RPS25: variants seen among roughly 807,000 people sequenced by gnomAD.
The protein encoded by RPS25 is ribosomal protein S25, also known as small ribosomal subunit protein eS25.
Under a neutral mutation model 14.4 loss-of-function variants are expected in RPS25, and 1 was observed. That is an observed-to-expected ratio of 0.07 (90% confidence interval 0.02 to 0.33). The LOEUF is 0.33. Among genes scored for constraint, RPS25 ranks in the 10% least tolerant of loss-of-function variants. The pLI is 1.00. For missense variants in RPS25, 65 were observed against 144.6 expected, an observed-to-expected ratio of 0.45 and a Z score of 2.82; for synonymous variants, 63 against 53.8, an observed-to-expected ratio of 1.17 and a Z score of -0.75.
intron 3 of RPS25, among the ~76,000 whole-genome samples, chr11:119,016,977 A>G (rs575527210): frequency 5.3e-5 from 8 of 152,276 alleles, no homozygotes; most frequent in African/African-American, 1.9e-4. Context: ...AGTAGACCGT[A>G]CTAAATTTCT....
chr11:119,017,816 CGAGT>C, intron 2 of RPS25, 138 bp downstream of exon 2: 3 of 726,874 alleles, frequency 4.1e-6, no homozygotes, highest in Non-Finnish European at 7.1e-6. Context: ...GGAAAAAGAA[CGAGT>C]GGTGACGGGA....
chr11:119,016,625 T>C (rs1303269093), intron 3 of RPS25, among the ~76,000 whole-genome samples: 2 of 147,984 alleles, frequency 1.4e-5, no homozygotes, highest in Non-Finnish European at 3.0e-5. Flanking sequence ...TAGGGCTCCA[T>C]TATCTTCCAC....
rs1592091610 is a variant in RPS25, at chr11:119,017,946, T to C, written c.99+12A>G. ...TTACCCCTAGTCTCTTTCAGAGAGGTCTTATTTCTACCTTCTTTTTGGCCT... is the reference window on the plus strand; with the variant it reads ...TTACCCCTAGTCTCTTTCAGAGAGGCCTTATTTCTACCTTCTTTTTGGCCT... On this transcript the variant is annotated intron_variant, in intron 2 of 4. Coordinates refer to ENST00000527673, the MANE Select transcript of RPS25 (RefSeq NM_001028.3). 6.2e-7 allele frequency: 1 copy of C among 1,601,626 alleles called. No homozygotes were observed. Among genetic ancestry groups the C allele is most frequent in the Non-Finnish European group, 8.5e-7 (1 of 1,169,748 alleles).
At position 119,015,752 on chromosome 11, in the gene RPS25, G is replaced by T; in HGVS notation, c.*11C>A. On this transcript the variant is annotated 3_prime_UTR_variant, in exon 5 of 5. Transcript: ENST00000527673. ...TTTTATTTTTCCAAATGTACAGCTG[G>T]TTGGACCTGTAAAAAAAAATTAAAA... is the stretch of plus-strand genomic sequence containing the variant. The T allele has an allele frequency of 8.0e-7, 1 of 1,248,630 alleles. No individual in the cohort carries two copies. The allele number at this position is 1,248,630 out of a possible 1,614,324, so 77.3% of individuals were successfully genotyped here.
At position 119,017,967 on chromosome 11, in the gene RPS25, G is replaced by C; in HGVS notation, c.90C>G (p.Ala30=). ...GAGGTCTTATTTCTACCTTCTTTTT[G>C]GCCTTGCCCCCGGATTTGTTCACTG... ...KDPVNKSGGK[A]KKKKWSKGKV... The change falls in exon 2 of 5, where the codon GCC becomes GCG. Residue 30 remains alanine, a synonymous_variant. Transcript: ENST00000527673. 6.2e-7 allele frequency: 1 copy of C among 1,611,718 alleles called. No individual in the cohort carries two copies. Among genetic ancestry groups the C allele is most frequent in the Non-Finnish European group, 8.5e-7 (1 of 1,179,280 alleles).
rs1211376826 is a variant in RPS25, at chr11:119,018,298, G to A, written c.-14C>T. The A allele has an allele frequency of 6.8e-6, 11 of 1,614,044 alleles. No individual in the cohort carries two copies. Among genetic ancestry groups the A allele is most frequent in the African/African-American group, 2.7e-5 (2 of 74,934 alleles). On this transcript the variant is annotated 5_prime_UTR_variant, in exon 1 of 5. Transcript: ENST00000527673. Reference sequence around the variant, plus strand: ...GAAGCTTACCATTGCGAAGCTCGGAGAATAGCAGCAGACACCGCAGCCTCG... The same window carrying A: ...GAAGCTTACCATTGCGAAGCTCGGAAAATAGCAGCAGACACCGCAGCCTCG...
In RPS25 at chr11:119,015,954, T is replaced by C. The variant is rs782212077; in HGVS notation, c.284-15A>G. The C allele has an allele frequency of 1.4e-6, 2 of 1,478,102 alleles. No homozygotes were observed. The highest frequency in any genetic ancestry group is 1.1e-5 in the South Asian group (1 of 88,322). 91.6% of individuals were successfully genotyped at this position (1,478,102 alleles called of 1,614,324 possible). A position where few individuals can be genotyped will look rare whatever the true frequency, so the allele number is the denominator to read the frequency against. ...TTTGATAAGTCCTAGGGGGAGAGAA[T>C]AGCACGATGAGATGCTTAACAGATG... On this transcript the variant is annotated splice_polypyrimidine_tract_variant and intron_variant, in intron 3 of 4. Transcript: ENST00000527673.
At chr11:119,018,197 G>A in intron 1 of RPS25, 85 bp downstream of exon 1, 1 of 1,604,574 alleles carries the variant, frequency 6.2e-7, no homozygotes, top group Non-Finnish European at 8.5e-7. Context: ...GAGGCCGGCA[G>A]GCCAAGGAGC....
chr11:119,015,774 A>G lies in RPS25; in HGVS notation c.*5-16T>C. ...CTGGTTGGACCTGTAAAAAAAAATT[A>G]AAAGAATCAGAACCATAAAGCTTTG... On this transcript the variant is annotated splice_polypyrimidine_tract_variant and intron_variant, in intron 4 of 4. Coordinates refer to ENST00000527673, the MANE Select transcript of RPS25 (RefSeq NM_001028.3). The G allele has an allele frequency of 2.3e-6, 3 of 1,329,834 alleles. No individual in the cohort carries two copies. Among genetic ancestry groups the G allele is most frequent in the Non-Finnish European group, 3.2e-6 (3 of 938,506 alleles). The allele number at this position is 1,329,834 out of a possible 1,614,324, so 82.4% of individuals were successfully genotyped here.
intron 3 of RPS25, 22 bp from the exon 4 acceptor site, chr11:119,015,961 A>G (rs782795621): frequency 7.1e-7 from 1 of 1,401,990 alleles, no homozygotes; most frequent in East Asian, 2.3e-5. Context: ...GAATAGCACG[A>G]TGAGATGCTT....
In RPS25 at chr11:119,015,858, C is replaced by G. The variant is rs1287164542; in HGVS notation, c.365G>C (p.Gly122Ala). ...NTKGGDAPAA[G>A]EDA ...CTACTCACCTATTCATGCATCTTCA[C>G]CAGCAGCTGGAGCATCTCCACCCTT... Residue 122 changes from glycine to alanine, a missense_variant, in exon 4 of 5, where the codon GGT becomes GCT. Coordinates refer to ENST00000527673, the MANE Select transcript of RPS25 (RefSeq NM_001028.3). The G allele has an allele frequency of 2.5e-6, 4 of 1,603,568 alleles. No individual in the cohort carries two copies. In the South Asian group the frequency reaches 4.4e-5, roughly 18 times the overall value.
intron 3 of RPS25, 35 bp downstream of exon 3, chr11:119,017,327 C>G (rs782633544): frequency 6.7e-7 from 1 of 1,490,778 alleles, no homozygotes; most frequent in Non-Finnish European, 9.1e-7. Context: ...GACAATTTAA[C>G]CTACAAAAAC....
At chr11:119,016,682 G>A (rs782754432) in intron 3 of RPS25, among the ~76,000 whole-genome samples, 7 of 149,652 alleles carry the variant, frequency 4.7e-5, no homozygotes, top group African/African-American at 7.4e-5. Context: ...TAAGGCTGGA[G>A]TGCAGTGGTG....
chr11:119,016,358 C>A (rs1008282914), intron 3 of RPS25, among the ~76,000 whole-genome samples: 2 of 152,038 alleles, frequency 1.3e-5, no homozygotes, highest in African/African-American at 4.8e-5. Context: ...CTCTTGAGCC[C>A]AGGAGACCAG....
rs574402256 is a variant in RPS25, at chr11:119,015,752, G to A, written c.*11C>T. 104 of 1,248,630 alleles carry A rather than the reference G, an allele frequency of 8.3e-5. 1 individual carries two copies. In the Middle Eastern group the frequency reaches 9.7e-4, roughly 12 times the overall value. The allele number at this position is 1,248,630 out of a possible 1,614,324, so 77.3% of individuals were successfully genotyped here. On this transcript the variant is annotated 3_prime_UTR_variant, in exon 5 of 5. Transcript: ENST00000527673. ...TTTTATTTTTCCAAATGTACAGCTG[G>A]TTGGACCTGTAAAAAAAAATTAAAA...
intron 3 of RPS25, among the ~76,000 whole-genome samples, chr11:119,016,364 A>C (rs1943155906): frequency 6.6e-6 from 1 of 152,082 alleles, no homozygotes; most frequent in Admixed American, 6.6e-5. Context: ...AGCCCAGGAG[A>C]CCAGCCTGGG....
rs1943200699 is a variant in RPS25 at position 119,017,839 on chromosome 11, T to A, written c.99+119A>T. The A allele has an allele frequency of 3.7e-6, 3 of 811,734 alleles. No homozygotes were observed. The South Asian group carries it at 4.7e-5, about 13-fold the overall frequency. The allele number at this position is 811,734 out of a possible 1,614,324, so 50.3% of individuals were successfully genotyped here. A position where few individuals can be genotyped will look rare whatever the true frequency, so the allele number is the denominator to read the frequency against. ...AACGAGTGGTGACGGGAAGATAAAC[T>A]CTCACATTTTGACTCTAGAAATCTA... On this transcript the variant is annotated intron_variant, in intron 2 of 4. Transcript: ENST00000527673.
chr11:119,015,957 C>A lies in RPS25; in HGVS notation c.284-18G>T. 6.9e-7 allele frequency: 1 copy of A among 1,447,936 alleles called. No individual in the cohort carries two copies. Among genetic ancestry groups the A allele is most frequent in the Non-Finnish European group, 9.7e-7 (1 of 1,029,434 alleles). The allele number at this position is 1,447,936 out of a possible 1,614,324, so 89.7% of individuals were successfully genotyped here. A position where few individuals can be genotyped will look rare whatever the true frequency, so the allele number is the denominator to read the frequency against. On this transcript the variant is annotated intron_variant, in intron 3 of 4. Transcript: ENST00000527673. Reference sequence around the variant, plus strand: ...GATAAGTCCTAGGGGGAGAGAATAGCACGATGAGATGCTTAACAGATGCTA... The same window carrying A: ...GATAAGTCCTAGGGGGAGAGAATAGAACGATGAGATGCTTAACAGATGCTA...
In RPS25 at chr11:119,018,301, T is replaced by C. The variant is rs782776764; in HGVS notation, c.-17A>G. The C allele has an allele frequency of 1.8e-5, 29 of 1,613,990 alleles. No homozygotes were observed. Among genetic ancestry groups the C allele is most frequent in the Non-Finnish European group, 2.5e-5 (29 of 1,180,028 alleles). ...GCTTACCATTGCGAAGCTCGGAGAA[T>C]AGCAGCAGACACCGCAGCCTCGTCA... On this transcript the variant is annotated 5_prime_UTR_variant, in exon 1 of 5. Coordinates refer to ENST00000527673, the MANE Select transcript of RPS25 (RefSeq NM_001028.3).
Sources: allele counts gnomAD v4.1 joint callset (sites outside exome capture counted in the v4.1 genomes callset), GRCh38; gene constraint gnomAD v4.1.1; transcripts MANE v1.5; gene names NCBI Gene and HGNC (gene_info 2026-07-23, HGNC 2026-07-21).